CHD5: variants seen among roughly 807,000 people sequenced by gnomAD.
CHD5 encodes ATP-dependent chromatin remodeler CHD5.
Under a neutral mutation model 230.3 loss-of-function variants are expected in CHD5, and 69 were observed. That is an observed-to-expected ratio of 0.30 (90% CI 0.25 to 0.37). CHD5 has a LOEUF of 0.37. Ranked by LOEUF, CHD5 falls within the 10% of genes least tolerant of loss-of-function variation. CHD5 has a pLI of 1.00. For synonymous variants in CHD5, 1,064 were observed against 1,065.9 expected (o/e 1.00, Z 0.03); for missense variants, 1,827 against 2,622.8 (o/e 0.70, Z 6.63).
Position 6,106,788 on chromosome 1 carries a change from G to A in CHD5, c.5579-9C>T, listed in dbSNP as rs1666176525. 1 of 1,607,654 alleles carries A rather than the reference G, an allele frequency of 6.2e-7. No homozygotes were observed. The highest frequency in any genetic ancestry group is 8.5e-7 in the Non-Finnish European group (1 of 1,177,910). ...CTCCAGCTGGTTCAGGACTGTGGTGGGAGGCGGAGGGATGGTAGGATGCAG... is the reference window on the plus strand; with the variant it reads ...CTCCAGCTGGTTCAGGACTGTGGTGAGAGGCGGAGGGATGGTAGGATGCAG... On this transcript the variant is annotated splice_polypyrimidine_tract_variant and intron_variant, in intron 38 of 41. Coordinates refer to ENST00000262450, the MANE Select transcript of CHD5 (RefSeq NM_015557.3).
intron 15 of CHD5, among the ~76,000 whole-genome samples, chr1:6,138,619 G>A (rs1001190355): frequency 2.0e-5 from 3 of 152,208 alleles, no homozygotes; most frequent in African/African-American, 7.2e-5. Context: ...TGGCACCTGG[G>A]TTTGCACACA....
chr1:6,155,141 ACCCCCAAAACACCCAGC>A lies in CHD5; in HGVS notation c.507-260_507-244del. Among the ~76,000 whole-genome samples, 1 of 66,468 alleles carries A rather than the reference ACCCCCAAAACACCCAGC, an allele frequency of 1.5e-5. No homozygotes were observed. The highest frequency in any genetic ancestry group is 9.8e-5 in the African/African-American group (1 of 10,184). 43.6% of individuals were successfully genotyped at this position (66,468 alleles called of 152,430 possible). A position where few individuals can be genotyped will look rare whatever the true frequency, so the allele number is the denominator to read the frequency against. On this transcript the variant is annotated intron_variant, in intron 4 of 41. Coordinates refer to ENST00000262450, the MANE Select transcript of CHD5 (RefSeq NM_015557.3). The surrounding 1 kb of genome is among the most constrained non-coding windows in gnomAD (Gnocchi z 4.0). ...AGCTTCCTGTCCACACCCACAGCCC[ACCCCCAAAACACCCAGC>A]TTCCTGTCCACACCCACAGCCCACC...
chr1:6,161,531 TC>T (rs917021361), intron 2 of CHD5, among the ~76,000 whole-genome samples: 1 of 152,328 alleles, frequency 6.6e-6, no homozygotes, highest in East Asian at 1.9e-4. Context: ...GCCTCTGTGC[TC>T]TTTGCTTTTC....
chr1:6,125,738 A>G lies in CHD5; in HGVS notation c.4171+28T>C. 1 of 1,597,544 alleles carries G rather than the reference A, an allele frequency of 6.3e-7. No individual in the cohort carries two copies. The highest frequency in any genetic ancestry group is 8.6e-7 in the Non-Finnish European group (1 of 1,164,898). On this transcript the variant is annotated intron_variant, in intron 27 of 41. Coordinates refer to ENST00000262450, the MANE Select transcript of CHD5 (RefSeq NM_015557.3). This position sits in a 1 kb window ranked among gnomAD's most constrained non-coding sequence, Gnocchi z 6.7. ...GCTCCCCTGACATGGCCTCAGCAGT[A>G]GCCCAGACCACTAACACTGAGACTC...
rs11121407 is a variant in CHD5 at position 6,173,513 on chromosome 1, A to T, written c.80-5236T>A. 6.9e-3 allele frequency among the ~76,000 whole-genome samples: 1,051 copies of T among 152,002 alleles called. 12 individuals are homozygous for T. The highest frequency in any genetic ancestry group is 0.023 in the African/African-American group (957 of 41,370). On this transcript the variant is annotated intron_variant, in intron 1 of 41. Transcript: ENST00000262450. ...AGCAACAGGGGCAGCAGAGGCTTCA[A>T]GCTACCCCTCCTGGAGGTGATACCA...
chr1:6,177,013 C>G (rs139110324), intron 1 of CHD5, among the ~76,000 whole-genome samples: 1 of 152,168 alleles, frequency 6.6e-6, no homozygotes, highest in African/African-American at 2.4e-5. Context: ...GCAAACCTCC[C>G]CCTCCCCACC....
chr1:6,144,198 C>G, intron 11 of CHD5, 43 bp from the exon 12 acceptor site: 1 of 1,611,748 alleles, frequency 6.2e-7, no homozygotes, highest in South Asian at 1.1e-5. Flanking sequence ...GAGCAGTGGC[C>G]ACAGCACAGG....
Position 6,130,319 on chromosome 1 carries a change from G to A in CHD5, c.3272C>T (p.Ala1091Val). Residue 1091 changes from alanine to valine, a missense_variant, in exon 22 of 42, where the codon GCC becomes GTC. Coordinates refer to ENST00000262450, the MANE Select transcript of CHD5 (RefSeq NM_015557.3). This position sits in a 1 kb window ranked among gnomAD's most constrained non-coding sequence, Gnocchi z 4.9. ...EAIDRFNAPG[A>V]QQFCFLLSTR... is the part of the protein sequence containing the mutation. ...TGAGAGGAGGAAGCAGAACTGCTGGGCCCCGGGGGCTGAAAAAGAGAGGCC... is the reference window on the plus strand; with the variant it reads ...TGAGAGGAGGAAGCAGAACTGCTGGACCCCGGGGGCTGAAAAAGAGAGGCC... 1 of 1,613,780 alleles carries A rather than the reference G, an allele frequency of 6.2e-7. No homozygotes were observed. The highest frequency in any genetic ancestry group is 8.5e-7 in the Non-Finnish European group (1 of 1,179,876).
At position 6,143,831 on chromosome 1, in the gene CHD5, T is replaced by C. The variant is rs1666869082; in HGVS notation, c.2035A>G (p.Ile679Val). ...CCACCCTCCCCACTCACGTCCACAA[T>C]GGGCGTGTCCGGCGGCTTCTCCTGC... ...DKQEKPPDTP[I>V]VDPTVKFDKQ... is the part of the protein sequence containing the mutation. Residue 679 changes from isoleucine (I) to valine (V), a missense_variant, in exon 13 of 42, where the codon ATT becomes GTT. Coordinates refer to ENST00000262450, the MANE Select transcript of CHD5 (RefSeq NM_015557.3). 1 of 1,003,834 alleles carries C rather than the reference T, an allele frequency of 1.0e-6. No homozygotes were observed. Among genetic ancestry groups the C allele is most frequent in the Non-Finnish European group, 1.5e-6 (1 of 688,076 alleles). 62.2% of individuals were successfully genotyped at this position (1,003,834 alleles called of 1,614,324 possible).
At position 6,124,027 on chromosome 1, in the gene CHD5, G is replaced by A. The variant is rs375910064; in HGVS notation, c.4620C>T (p.Gly1540=). 4.3e-6 allele frequency: 7 copies of A among 1,612,778 alleles called. No homozygotes were observed. The highest frequency in any genetic ancestry group is 1.1e-5 in the South Asian group (1 of 90,894). ...IPEGPEGKKS[G]EVISSDPNTP... is the part of the protein sequence containing the mutation. ...TGTTGGGGTCCGAGGAGATCACCTC[G>A]CCCGACTTCTTCCCCTCGGGCCCCT... Residue 1540 remains glycine (G), a synonymous_variant, in exon 31 of 42, where the codon GGC becomes GGT. Transcript: ENST00000262450.
intron 15 of CHD5, among the ~76,000 whole-genome samples, chr1:6,137,227 C>T (rs1211774445): frequency 6.6e-6 from 1 of 152,040 alleles, no homozygotes; most frequent in East Asian, 1.9e-4. Context: ...CCCATCTCAG[C>T]CTCCCGAGTA....
At position 6,142,355 on chromosome 1, in the gene CHD5, A is replaced by T; in HGVS notation, c.2236-27T>A. The T allele has an allele frequency of 6.3e-7, 1 of 1,596,296 alleles. No homozygotes were observed. The highest frequency in any genetic ancestry group is 8.6e-7 in the Non-Finnish European group (1 of 1,166,796). Reference sequence around the variant, plus strand: ...TGGAGAGAGAGGCCGATGCCGTGAGACCACCTGCCCTTGGCCAGGACCAGC... The same window carrying T: ...TGGAGAGAGAGGCCGATGCCGTGAGTCCACCTGCCCTTGGCCAGGACCAGC... On this transcript the variant is annotated intron_variant, in intron 14 of 41. Transcript: ENST00000262450. This position sits in a 1 kb window ranked among gnomAD's most constrained non-coding sequence, Gnocchi z 5.2.
At chr1:6,112,717 G>A (rs1440701561) in intron 34 of CHD5, among the ~76,000 whole-genome samples, 192 bp downstream of exon 34, 1 of 152,216 alleles carries the variant, frequency 6.6e-6, no homozygotes, top group Non-Finnish European at 1.5e-5. Flanking sequence ...GGGCTCAGGA[G>A]AGAGTAGGGG....
chr1:6,166,770 C>A (rs1011196231), intron 2 of CHD5, among the ~76,000 whole-genome samples: 2 of 152,154 alleles, frequency 1.3e-5, no homozygotes, highest in East Asian at 3.9e-4. Context: ...CCTCGCCCCC[C>A]ACCACCACCA....
At chr1:6,108,687 G>A (rs928219609) in intron 38 of CHD5, among the ~76,000 whole-genome samples, 1 of 149,102 alleles carries the variant, frequency 6.7e-6, no homozygotes, top group Non-Finnish European at 1.5e-5. Flanking sequence ...AGGATGGAGG[G>A]GTGGAAGGAT....
In CHD5 at chr1:6,104,653, G is replaced by C. The variant is rs933185735; in HGVS notation, c.*821C>G. ...CAGCCCACCCTCCCTGGGATCATAC[G>C]CTTCTGCCTGCTGTGAAGAGCCGGG... On this transcript the variant is annotated 3_prime_UTR_variant, in exon 42 of 42. Transcript: ENST00000262450. 8.3e-6 allele frequency: 1 copy of C among 120,832 alleles called. No homozygotes were observed. The highest frequency in any genetic ancestry group is 1.0e-4 in the Admixed American group (1 of 9,878). 7.5% of individuals were successfully genotyped at this position (120,832 alleles called of 1,614,324 possible).
In CHD5 at chr1:6,178,985, AAG is replaced by A. The variant is rs200455647; in HGVS notation, c.79+958_79+959del. Among the ~76,000 whole-genome samples the A allele has an allele frequency of 1.6e-3, 244 of 152,258 alleles. 8 individuals are homozygous for A. In the East Asian group the frequency reaches 0.04, roughly 25 times the overall value. ...ACTTGGCGCAGGGAAGCCGAGAAGT[AAG>A]AGTCTCCCAGAAAGGAGGGAGGGTG... On this transcript the variant is annotated intron_variant, in intron 1 of 41. Transcript: ENST00000262450.
intron 36 of CHD5, among the ~76,000 whole-genome samples, chr1:6,111,185 G>A (rs1439538341): frequency 4.2e-5 from 6 of 143,600 alleles, no homozygotes; most frequent in South Asian, 2.3e-4. Context: ...AGCTGAGATC[G>A]CACCACTGCA....
rs60543576 is a variant in CHD5 at position 6,140,967 on chromosome 1, A to AAATAATAATAATAATAATAAT, written c.2436+1140_2436+1160dup. Among the ~76,000 whole-genome samples, 1,021 of 139,918 alleles carry AAATAATAATAATAATAATAAT rather than the reference A, an allele frequency of 7.3e-3. 12 individuals carry two copies. Among genetic ancestry groups the AAATAATAATAATAATAATAAT allele is most frequent in the African/African-American group, 0.023 (846 of 37,406 alleles). The allele number at this position is 139,918 out of a possible 152,430, so 91.8% of individuals were successfully genotyped here. On this transcript the variant is annotated intron_variant, in intron 15 of 41. Transcript: ENST00000262450. Reference sequence around the variant, plus strand: ...GGTGACAGAGCGAGACCCTGTCTCAAAATAATAATAATAATAATAATAATA... The same window carrying AAATAATAATAATAATAATAAT: ...GGTGACAGAGCGAGACCCTGTCTCAAAATAATAATAATAATAATAATAATAATAATAATAATAATAATAATA...
Sources: gnomAD v4.1 joint callset for allele counts (sites outside exome capture counted in the v4.1 genomes callset) on GRCh38, gnomAD v4.1.1 for gene constraint, Gnocchi (gnomAD v3.1) non-coding constraint, MANE v1.5 for transcripts, NCBI Gene and HGNC (gene_info 2026-07-23, HGNC 2026-07-21) for gene names.